Variants in NETO1 observed in about 807,000 individuals in gnomAD.
The protein encoded by NETO1 is neuropilin and tolloid-like protein 1.
In NETO1, 26 loss-of-function variants were observed where a neutral mutation model predicts 61.3. That is an observed-to-expected ratio of 0.42 (90% CI 0.31 to 0.59). NETO1 has a LOEUF of 0.59. Among genes scored for constraint, NETO1 ranks in the 20% least tolerant of loss-of-function variants. NETO1 has a pLI of 0.12. For synonymous variants in NETO1, 225 were observed against 225.8 expected (o/e 1.00, Z 0.03); for missense variants, 531 against 662.8 (o/e 0.80, Z 2.18).
chr18:72,750,607 G>A lies in NETO1; in HGVS notation c.996C>T (p.Thr332=). 6.2e-7 allele frequency: 1 copy of A among 1,605,000 alleles called. No homozygotes were observed. Among genetic ancestry groups the A allele is most frequent in the Non-Finnish European group, 8.5e-7 (1 of 1,178,188 alleles). The change falls in exon 9 of 11, where the codon ACC becomes ACT. Residue 332 remains threonine (T), a synonymous_variant. Transcript: ENST00000327305. ...DENHCKEKRK[T]SLLDQLTNTS... ...TGTTGGTCAGCTGGTCCAGCAGGCTGGTTTTCCTCTTCTCTATAGGTTGGA... is the reference window on the plus strand; with the variant it reads ...TGTTGGTCAGCTGGTCCAGCAGGCTAGTTTTCCTCTTCTCTATAGGTTGGA...
At chr18:72,790,669 AT>A (rs1271755805) in intron 6 of NETO1, among the ~76,000 whole-genome samples, 1 of 152,088 alleles carries the variant, frequency 6.6e-6, no homozygotes, top group African/African-American at 2.4e-5. Context: ...ATTAACAGCT[AT>A]TTCTCTAGTT....
intron 4 of NETO1, among the ~76,000 whole-genome samples, chr18:72,832,890 C>T (rs758141840): frequency 6.6e-6 from 1 of 151,964 alleles, no homozygotes; most frequent in African/African-American, 2.4e-5. Context: ...GACAGATACA[C>T]TTTATAAAAA....
At chr18:72,850,382 C>G (rs921497468) in intron 4 of NETO1, among the ~76,000 whole-genome samples, 1 of 152,074 alleles carries the variant, frequency 6.6e-6, no homozygotes, top group African/African-American at 2.4e-5. Flanking sequence ...TAATGGCATG[C>G]AAATTATAAA....
intron 7 of NETO1, among the ~76,000 whole-genome samples, chr18:72,758,611 C>T (rs981713185): frequency 1.3e-5 from 2 of 151,970 alleles, no homozygotes; most frequent in African/African-American, 4.8e-5. Flanking sequence ...CTGAGGTGGG[C>T]GAATCACCTG....
At chr18:72,817,640 T>C (rs2073068802) in intron 4 of NETO1, among the ~76,000 whole-genome samples, 1 of 152,260 alleles carries the variant, frequency 6.6e-6, no homozygotes, top group African/African-American at 2.4e-5. Context: ...TAATACCGAA[T>C]GCCTAATCAC....
chr18:72,783,086 G>A (rs1375147924), intron 7 of NETO1, among the ~76,000 whole-genome samples: 1 of 151,992 alleles, frequency 6.6e-6, no homozygotes, highest in Non-Finnish European at 1.5e-5. Flanking sequence ...TATATCTATT[G>A]GTATGAATCA....
intron 4 of NETO1, among the ~76,000 whole-genome samples, chr18:72,831,426 T>C (rs532161785): frequency 6.6e-6 from 1 of 152,274 alleles, no homozygotes; most frequent in South Asian, 2.1e-4. Flanking sequence ...GCAATATAAC[T>C]CACTGTCTCT....
At chr18:72,796,640 C>T (rs901580112) in intron 4 of NETO1, among the ~76,000 whole-genome samples, 1 of 152,060 alleles carries the variant, frequency 6.6e-6, no homozygotes, top group African/African-American at 2.4e-5. Flanking sequence ...CTGTGCCCAG[C>T]TAATTTTTTG....
chr18:72,800,998 T>A (rs1433985535), intron 4 of NETO1, among the ~76,000 whole-genome samples: 1 of 152,174 alleles, frequency 6.6e-6, no homozygotes, highest in Non-Finnish European at 1.5e-5. Flanking sequence ...TAGGCTCACA[T>A]CTAGACTATG....
intron 6 of NETO1, among the ~76,000 whole-genome samples, chr18:72,789,010 T>A (rs557349421): frequency 1.4e-4 from 21 of 152,186 alleles, no homozygotes; most frequent in Non-Finnish European, 2.9e-4. Context: ...GTTTCAATAC[T>A]ACTAGACACC....
rs1173081420 is a variant in NETO1, at chr18:72,858,964, A to C, written c.331T>G (p.Ser111Ala). The C allele has an allele frequency of 5.6e-6, 9 of 1,613,924 alleles. No homozygotes were observed. Among genetic ancestry groups the C allele is most frequent in the Non-Finnish European group, 7.6e-6 (9 of 1,179,876 alleles). Reference sequence around the variant, plus strand: ...CCACAGAAACGTCCAATTATTGGAGAAAAGCCAAAAGGTCCATCTCGAACT... The same window carrying C: ...CCACAGAAACGTCCAATTATTGGAGCAAAGCCAAAAGGTCCATCTCGAACT... ...IEVRDGPFGF[S>A]PIIGRFCGQQ... The change falls in exon 4 of 11, where the codon TCT (serine) becomes GCT (alanine). Residue 111 changes from serine to alanine, a missense_variant. Coordinates refer to ENST00000327305, the MANE Select transcript of NETO1 (RefSeq NM_138966.5).
At position 72,794,158 on chromosome 18, in the gene NETO1, C is replaced by T. The variant is rs2072232792; in HGVS notation, c.598G>A (p.Val200Ile). 2 of 1,614,160 alleles carry T rather than the reference C, an allele frequency of 1.2e-6. No homozygotes were observed. The highest frequency in any genetic ancestry group is 8.5e-7 in the Non-Finnish European group (1 of 1,180,030). ...GCTCGGATGTACCACTTGCAATCAA[C>T]AGCCTCGCTAGCAGTAGCTTTGCCT... ...KEGKATASEAVDCKWYIRAPP... is the reference protein window; with the variant it reads ...KEGKATASEAIDCKWYIRAPP... The change falls in exon 6 of 11, where the codon GTT (valine) becomes ATT (isoleucine). Residue 200 changes from valine (V) to isoleucine (I), a missense_variant. Transcript: ENST00000327305.
downstream of NETO1, chr18:72,742,323 G>T (rs2070357343): frequency 6.6e-6 from 1 of 152,154 alleles, no homozygotes. Flanking sequence ...ATTGGATTTG[G>T]AAAGTCATAT....
intron 4 of NETO1, among the ~76,000 whole-genome samples, chr18:72,808,549 A>G (rs1599042010): frequency 6.6e-6 from 1 of 152,088 alleles, no homozygotes; most frequent in East Asian, 1.9e-4. Context: ...GTGTCAATGA[A>G]AATCAAGAAG....
At chr18:72,843,401 T>C (rs2073992652) in intron 4 of NETO1, among the ~76,000 whole-genome samples, 1 of 152,192 alleles carries the variant, frequency 6.6e-6, no homozygotes, top group Non-Finnish European at 1.5e-5. Flanking sequence ...GAACCAAATG[T>C]ATTTCCTCAA....
At position 72,864,794 on chromosome 18, in the gene NETO1, C is replaced by T; in HGVS notation, c.220+14G>A. The T allele has an allele frequency of 6.2e-7, 1 of 1,613,728 alleles. No homozygotes were observed. Among genetic ancestry groups the T allele is most frequent in the Non-Finnish European group, 8.5e-7 (1 of 1,179,894 alleles). On this transcript the variant is annotated intron_variant, in intron 3 of 10. Coordinates refer to ENST00000327305, the MANE Select transcript of NETO1 (RefSeq NM_138966.5). ...GCTTAGTGCTTTCTTAACTCTGGCA[C>T]TGTCTCCCCTTACCTTCTATGATGT...
intron 4 of NETO1, among the ~76,000 whole-genome samples, chr18:72,796,142 G>A (rs1015469107): frequency 4.6e-5 from 7 of 152,232 alleles, no homozygotes; most frequent in African/African-American, 1.4e-4. Flanking sequence ...CTTTCTGGAA[G>A]AGATTAGTTT....
chr18:72,852,472 C>T (rs981687645), intron 4 of NETO1, among the ~76,000 whole-genome samples: 2 of 152,234 alleles, frequency 1.3e-5, no homozygotes, highest in Non-Finnish European at 2.9e-5. Context: ...GCTTCAACTT[C>T]CCAAAGTGCC....
chr18:72,825,181 G>A (rs527295333), intron 4 of NETO1, among the ~76,000 whole-genome samples: 1 of 152,266 alleles, frequency 6.6e-6, no homozygotes, highest in African/African-American at 2.4e-5. Flanking sequence ...AACAATCTGC[G>A]AAAACTCAAA....
Sources: allele counts gnomAD v4.1 joint callset (sites outside exome capture counted in the v4.1 genomes callset), GRCh38; gene constraint gnomAD v4.1.1; transcripts MANE v1.5; gene names NCBI Gene and HGNC (gene_info 2026-07-23, HGNC 2026-07-21).